The following MTHFS variants were observed in gnomAD, a reference collection of about 807,000 sequenced individuals.
MTHFS encodes methenyltetrahydrofolate synthetase, also known as 5-formyltetrahydrofolate cyclo-ligase.
MTHFS carries 7 observed loss-of-function variants against 12.7 expected under a neutral mutation model. The ratio of observed to expected loss-of-function variants is 0.55; its 90% CI spans 0.31 to 1.03. MTHFS has a LOEUF of 1.03. MTHFS is among the 50% of genes least tolerant of loss of function. The pLI is 0.05. For missense variants in MTHFS, 252 were observed against 258.1 expected (o/e 0.98, Z 0.16); for synonymous variants, 100 against 97.1 (o/e 1.03, Z -0.18).
At chr15:79,869,463 G>C (rs2034066782) in intron 2 of MTHFS, among the ~76,000 whole-genome samples, 6 of 152,032 alleles carry the variant, frequency 3.9e-5, no homozygotes, top group Admixed American at 3.9e-4. Flanking sequence ...ATTTTTTTGA[G>C]ACACAGTCTT....
chr15:79,870,459 G>C (rs1042346230), intron 2 of MTHFS, among the ~76,000 whole-genome samples: 2 of 151,958 alleles, frequency 1.3e-5, no homozygotes, highest in Non-Finnish European at 2.9e-5. Context: ...GTGGACAAAA[G>C]AAACAAAAAC....
At chr15:79,897,028 T>C (rs780364728), upstream of MTHFS, 1 of 1,489,600 alleles carries the variant, frequency 6.7e-7, no homozygotes, top group South Asian at 1.3e-5. Context: ...CTCGGCGCCC[T>C]GGGCGCCCTC....
At chr15:79,869,970 A>T (rs989500380) in intron 2 of MTHFS, among the ~76,000 whole-genome samples, 1 of 152,204 alleles carries the variant, frequency 6.6e-6, no homozygotes, top group Non-Finnish European at 1.5e-5. Flanking sequence ...GAAAGAAGGG[A>T]TTATCAAAAA....
At chr15:79,847,071 A>G (rs1438797717) in intron 2 of MTHFS, among the ~76,000 whole-genome samples, 1 of 152,216 alleles carries the variant, frequency 6.6e-6, no homozygotes, top group Non-Finnish European at 1.5e-5. Context: ...AATACTAGAG[A>G]CCCCAGCAGG....
chr15:79,848,460 C>T (rs1267356779), intron 2 of MTHFS, among the ~76,000 whole-genome samples: 3 of 152,176 alleles, frequency 2.0e-5, no homozygotes, highest in African/African-American at 7.2e-5. Flanking sequence ...CTTTCCCAGA[C>T]ACTTACAACT....
intron 2 of MTHFS, among the ~76,000 whole-genome samples, chr15:79,863,044 C>A (rs1299950920): frequency 6.6e-6 from 1 of 152,198 alleles, no homozygotes; most frequent in Non-Finnish European, 1.5e-5. Context: ...GTCCCCCAAC[C>A]CCCTACATCT....
chr15:79,870,374 G>T (rs1364505755), intron 2 of MTHFS, among the ~76,000 whole-genome samples: 1 of 152,150 alleles, frequency 6.6e-6, no homozygotes, highest in Non-Finnish European at 1.5e-5. Context: ...AGATTCCATG[G>T]CCTGAAAAGC....
chr15:79,861,335 T>C (rs140143589), intron 2 of MTHFS, among the ~76,000 whole-genome samples: 177 of 152,266 alleles, frequency 1.2e-3, no homozygotes, highest in African/African-American at 4.0e-3. Context: ...CCCAACAAAA[T>C]GTGAACTCCT....
At chr15:79,852,193 C>T (rs957301841) in intron 2 of MTHFS, among the ~76,000 whole-genome samples, 2 of 152,088 alleles carry the variant, frequency 1.3e-5, no homozygotes, top group African/African-American at 2.4e-5. Context: ...GCAGAACTGT[C>T]AAAAATCAAT....
At chr15:79,854,627 G>A (rs114047239) in intron 2 of MTHFS, among the ~76,000 whole-genome samples, 2,423 of 152,172 alleles carry the variant, frequency 0.016, 61 homozygotes, top group African/African-American at 0.055. Context: ...TATTCTTTAT[G>A]TCTTATCTTT....
At chr15:79,886,613 C>T (rs1170067626) in intron 2 of MTHFS, among the ~76,000 whole-genome samples, 1 of 151,838 alleles carries the variant, frequency 6.6e-6, no homozygotes, top group African/African-American at 2.4e-5. Context: ...CTATTCAGAA[C>T]CATATTCTAA....
intron 1 of MTHFS, 103 bp from the exon 2 acceptor site, chr15:79,889,457 A>T: frequency 7.4e-7 from 1 of 1,349,280 alleles, no homozygotes; most frequent in Non-Finnish European, 9.8e-7. Flanking sequence ...TTCTTTAAAT[A>T]TTAAAAAGAA....
intron 2 of MTHFS, among the ~76,000 whole-genome samples, chr15:79,852,092 C>T (rs1233282986): frequency 6.6e-6 from 1 of 152,220 alleles, no homozygotes; most frequent in African/African-American, 2.4e-5. Flanking sequence ...CAGAGAGACA[C>T]AGGTACTTCC....
At chr15:79,872,742 T>C (rs575809692) in intron 2 of MTHFS, among the ~76,000 whole-genome samples, 3 of 152,190 alleles carry the variant, frequency 2.0e-5, no homozygotes, top group Non-Finnish European at 4.4e-5. Flanking sequence ...ATCGTCATGG[T>C]GCTGGTAGGA....
chr15:79,896,721 CGCGCGCCGGGAGGGGAAACGT>C, intron 1 of MTHFS, 130 bp downstream of exon 1: 1 of 752,190 alleles, frequency 1.3e-6, no homozygotes, highest in Non-Finnish European at 1.7e-6. Context: ...AGGGGGCGTG[CGCGCGCCGGGAGGGGAAACGT>C]GCGCGCGCCG....
At chr15:79,860,056 C>A (rs187312955) in intron 2 of MTHFS, among the ~76,000 whole-genome samples, 2 of 152,190 alleles carry the variant, frequency 1.3e-5, no homozygotes, top group East Asian at 3.9e-4. Context: ...TCTGTATCCT[C>A]GCCCTCAAAA....
At chr15:79,857,059 G>A (rs554441360) in intron 2 of MTHFS, among the ~76,000 whole-genome samples, 3 of 151,162 alleles carry the variant, frequency 2.0e-5, no homozygotes, top group Admixed American at 6.6e-5. Flanking sequence ...ACAGTAGCAC[G>A]ATCTCGGCTC....
At chr15:79,871,610 C>T (rs868678001) in intron 2 of MTHFS, among the ~76,000 whole-genome samples, 2 of 151,130 alleles carry the variant, frequency 1.3e-5, no homozygotes, top group Middle Eastern at 6.8e-3. Context: ...GATTCATTTG[C>T]AGTTTTGCTG....
intron 2 of MTHFS, among the ~76,000 whole-genome samples, chr15:79,847,669 CAAAAAAAAAAA>C (rs55956333): frequency 4.0e-5 from 3 of 75,404 alleles, no homozygotes; most frequent in Non-Finnish European, 5.3e-5. Flanking sequence ...GACTCCGTCT[CAAAAAAAAAAA>C]AAAAAAAAAA....
Sources: gnomAD v4.1 joint callset for allele counts (sites outside exome capture counted in the v4.1 genomes callset) on GRCh38, gnomAD v4.1.1 for gene constraint, MANE v1.5 for transcripts, NCBI Gene and HGNC (gene_info 2026-07-23, HGNC 2026-07-21) for gene names.